SLC24A2: variants seen among roughly 807,000 people sequenced by gnomAD.
SLC24A2 encodes sodium/potassium/calcium exchanger 2.
SLC24A2 carries 36 observed loss-of-function variants against 62.0 expected under a neutral mutation model. That is an observed-to-expected ratio of 0.58 (90% confidence interval 0.44 to 0.77). SLC24A2 has a LOEUF of 0.77. Ranked by LOEUF, SLC24A2 falls within the 30% of genes least tolerant of loss-of-function variation. The pLI, the probability that SLC24A2 is intolerant of heterozygous loss-of-function variation, is 0.00. For synonymous variants in SLC24A2, 358 were observed against 294.0 expected (o/e 1.22, Z -2.23); for missense variants, 846 against 817.9 (o/e 1.03, Z -0.42).
chr9:20,045,588 C>A, the SLC24A2 span, among the ~76,000 whole-genome samples: 1 of 152,040 alleles, frequency 6.6e-6, no homozygotes, highest in Non-Finnish European at 1.5e-5. Context: ...CCCGCTACCA[C>A]GCCAGGCTAA....
intron 2 of SLC24A2, among the ~76,000 whole-genome samples, chr9:19,676,759 T>C (rs1473205342): frequency 1.3e-5 from 2 of 152,210 alleles, no homozygotes; most frequent in African/African-American, 2.4e-5. Flanking sequence ...TTGAGTTGCA[T>C]ATTAGGAAGG....
At chr9:19,553,816 T>C (rs986546822) in intron 7 of SLC24A2, among the ~76,000 whole-genome samples, 7 of 152,164 alleles carry the variant, frequency 4.6e-5, no homozygotes, top group Non-Finnish European at 1.0e-4. Context: ...AACAGAAGAT[T>C]CCAAAGAATT....
At chr9:19,685,810 A>G (rs901926853) in intron 2 of SLC24A2, among the ~76,000 whole-genome samples, 2 of 152,150 alleles carry the variant, frequency 1.3e-5, no homozygotes, top group Non-Finnish European at 2.9e-5. Flanking sequence ...CAAAAACTAT[A>G]AAAACTCTGG....
At chr9:20,229,704 G>T in the SLC24A2 span, among the ~76,000 whole-genome samples, 2 of 151,520 alleles carry the variant, frequency 1.3e-5, no homozygotes, top group African/African-American at 4.8e-5. Context: ...TTTATATTTT[G>T]TGTGATTATT....
At chr9:19,640,895 C>T (rs1440672664) in intron 2 of SLC24A2, among the ~76,000 whole-genome samples, 1 of 152,214 alleles carries the variant, frequency 6.6e-6, no homozygotes, top group Admixed American at 6.5e-5. Context: ...TCACCTTACC[C>T]TAATTCCAGC....
intron 7 of SLC24A2, among the ~76,000 whole-genome samples, chr9:19,551,081 T>C (rs1834819788): frequency 6.6e-6 from 1 of 152,146 alleles, no homozygotes; most frequent in Admixed American, 6.5e-5. Context: ...TTCTTCTATC[T>C]AACTGTAAGT....
the SLC24A2 span, among the ~76,000 whole-genome samples, chr9:20,040,475 A>G: frequency 1.8e-4 from 27 of 152,218 alleles, no homozygotes; most frequent in African/African-American, 6.5e-4. Flanking sequence ...AGCTTACAGC[A>G]AGATACCAGA....
chr9:20,137,056 A>T, the SLC24A2 span, among the ~76,000 whole-genome samples: 1 of 152,128 alleles, frequency 6.6e-6, no homozygotes, highest in East Asian at 1.9e-4. Context: ...TGGCATCTGA[A>T]GTTTGGATGT....
intron 8 of SLC24A2, among the ~76,000 whole-genome samples, chr9:19,547,126 T>C (rs1834619124): frequency 6.6e-6 from 1 of 152,182 alleles, no homozygotes; most frequent in South Asian, 2.1e-4. Flanking sequence ...CAAGGCCCAG[T>C]GTTTGGCACA....
At chr9:20,086,544 G>A in the SLC24A2 span, among the ~76,000 whole-genome samples, 1 of 152,194 alleles carries the variant, frequency 6.6e-6, no homozygotes, top group Admixed American at 6.5e-5. Context: ...CTTGTCAAGA[G>A]AAGTGGATGT....
chr9:20,234,975 G>A, the SLC24A2 span, among the ~76,000 whole-genome samples: 2 of 152,314 alleles, frequency 1.3e-5, no homozygotes, highest in South Asian at 4.1e-4. Flanking sequence ...GTCTGTTGGA[G>A]TTTGCCAGAG....
At chr9:20,000,432 CAG>C in the SLC24A2 span, among the ~76,000 whole-genome samples, 2 of 152,146 alleles carry the variant, frequency 1.3e-5, no homozygotes, top group African/African-American at 4.8e-5. Flanking sequence ...ACTGGAGTTT[CAG>C]AGACTTTTGT....
the SLC24A2 span, among the ~76,000 whole-genome samples, chr9:19,955,881 C>T: frequency 6.6e-6 from 1 of 152,192 alleles, no homozygotes; most frequent in Non-Finnish European, 1.5e-5. Flanking sequence ...CTGTACCAAA[C>T]CAGTACACTA....
At chr9:20,071,899 C>G in the SLC24A2 span, among the ~76,000 whole-genome samples, 2 of 152,056 alleles carry the variant, frequency 1.3e-5, no homozygotes, top group Non-Finnish European at 2.9e-5. Flanking sequence ...CAAGGAAACA[C>G]TTACTTTGGC....
At chr9:20,135,207 C>A in the SLC24A2 span, among the ~76,000 whole-genome samples, 34 of 152,228 alleles carry the variant, frequency 2.2e-4, no homozygotes, top group African/African-American at 7.2e-4. Context: ...ATTTTAAAAT[C>A]AGACAAATTT....
chr9:20,150,261 G>A, the SLC24A2 span, among the ~76,000 whole-genome samples: 1 of 151,950 alleles, frequency 6.6e-6, no homozygotes. Context: ...GATTATTACA[G>A]ACTATGATCA....
At chr9:20,033,001 T>C in the SLC24A2 span, among the ~76,000 whole-genome samples, 1 of 152,232 alleles carries the variant, frequency 6.6e-6, no homozygotes, top group Non-Finnish European at 1.5e-5. Flanking sequence ...GTGAATCAGA[T>C]ATTCAACACT....
At chr9:20,051,200 C>T in the SLC24A2 span, among the ~76,000 whole-genome samples, 294 of 152,156 alleles carry the variant, frequency 1.9e-3, 1 homozygote, top group Non-Finnish European at 3.0e-3. Flanking sequence ...ACCATGCTAA[C>T]GCTAATCAAA....
At chr9:19,990,101 ATTGTG>A in the SLC24A2 span, among the ~76,000 whole-genome samples, 2 of 152,172 alleles carry the variant, frequency 1.3e-5, no homozygotes, top group South Asian at 2.1e-4. Flanking sequence ...TATTTTAGGT[ATTGTG>A]TTAAGTGTTG....
Sources: gnomAD v4.1 joint callset for allele counts (sites outside exome capture counted in the v4.1 genomes callset) on GRCh38, gnomAD v4.1.1 for gene constraint, MANE v1.5 for transcripts, NCBI Gene and HGNC (gene_info 2026-07-23, HGNC 2026-07-21) for gene names.